WASL: variants seen among roughly 807,000 people sequenced by gnomAD.
WASL encodes actin nucleation-promoting factor WASL.
WASL carries 20 observed loss-of-function variants against 55.5 expected under a neutral mutation model. The observed-to-expected ratio is 0.36, with a 90% CI of 0.25 to 0.52. WASL has a LOEUF of 0.52. Ranked by LOEUF, WASL falls within the 20% of genes least tolerant of loss-of-function variation. WASL has a pLI of 0.92. For synonymous variants in WASL, 249 were observed against 217.6 expected (o/e 1.14, Z -1.27); for missense variants, 504 against 622.5 (o/e 0.81, Z 2.03).
intron 7 of WASL, 147 bp from the exon 8 acceptor site, chr7:123,695,015 A>T (rs577630784): frequency 4.8e-5 from 38 of 790,628 alleles, no homozygotes; most frequent in Non-Finnish European, 6.3e-5. Flanking sequence ...ATATTTTATT[A>T]AAAAAAACTG....
At chr7:123,727,448 T>C (rs1057175405) in intron 1 of WASL, among the ~76,000 whole-genome samples, 1 of 150,956 alleles carries the variant, frequency 6.6e-6, no homozygotes, top group Admixed American at 6.6e-5. Context: ...AAATATCCAT[T>C]AACAGAAGAA....
rs747187469 is a variant in WASL, at chr7:123,692,538, G to C, written c.1156C>G (p.Pro386Ala). The stretch of plus-strand genomic sequence containing the variant: ...TCAGAAGGCAGGCCAGGCGGGGGCG[G>C]TGGCCCAGGAGGAGGTGGAGGTGGA... ...PPPPPPPPGPPPPPGLPSDGD... is the reference protein window; with the variant it reads ...PPPPPPPPGPAPPPGLPSDGD... The change falls in exon 9 of 11, where the codon CCG becomes GCG. Residue 386 changes from proline to alanine, a missense_variant. By Grantham distance (27) the Pro-to-Ala change is conservative. This residue lies in a region of WASL where 201 missense variants were observed against 206.2 expected (regional missense o/e 0.97). Coordinates refer to ENST00000223023, the MANE Select transcript of WASL (RefSeq NM_003941.4). 1 of 1,614,064 alleles carries C rather than the reference G, an allele frequency of 6.2e-7. No individual in the cohort carries two copies. The highest frequency in any genetic ancestry group is 8.5e-7 in the Non-Finnish European group (1 of 1,179,996).
chr7:123,688,653 C>T (rs1244010687), intron 10 of WASL, among the ~76,000 whole-genome samples: 1 of 152,140 alleles, frequency 6.6e-6, no homozygotes. Flanking sequence ...TGAGTCACCG[C>T]ACCCAGCCCT....
chr7:123,696,000 T>C (rs1803486344), intron 6 of WASL, 135 bp from the exon 7 acceptor site: 1 of 715,104 alleles, frequency 1.4e-6, no homozygotes. Context: ...GACATAACCA[T>C]ATTGTGATAA....
chr7:123,736,878 A>C (rs893712522), intron 1 of WASL, among the ~76,000 whole-genome samples: 2 of 152,222 alleles, frequency 1.3e-5, no homozygotes, highest in African/African-American at 4.8e-5. Flanking sequence ...TTAGAAAAAA[A>C]CACTAAGCAC....
At position 123,747,001 on chromosome 7, in the gene WASL, G is replaced by A. The variant is rs554648378; in HGVS notation, c.117+1617C>T. On this transcript the variant is annotated intron_variant, in intron 1 of 10. Transcript: ENST00000223023. ...AAAGTGCTGAAGATTTTCCTAAACTGAGCATATGCAAACATTAGTGGTGCT... is the reference window on the plus strand; with the variant it reads ...AAAGTGCTGAAGATTTTCCTAAACTAAGCATATGCAAACATTAGTGGTGCT... Among the ~76,000 whole-genome samples the A allele has an allele frequency of 5.3e-5, 8 of 152,254 alleles. No individual in the cohort carries two copies. The East Asian group carries it at 1.3e-3, about 26-fold the overall frequency.
chr7:123,732,484 C>A (rs1038924942), intron 1 of WASL, among the ~76,000 whole-genome samples: 1 of 152,116 alleles, frequency 6.6e-6, no homozygotes, highest in Non-Finnish European at 1.5e-5. Context: ...TGGAAAGACA[C>A]GATCTATCAA....
At chr7:123,738,426 G>C (rs1804274634) in intron 1 of WASL, among the ~76,000 whole-genome samples, 1 of 152,148 alleles carries the variant, frequency 6.6e-6, no homozygotes, top group Non-Finnish European at 1.5e-5. Context: ...TCTTGAGCTT[G>C]ACACCTTCAC....
chr7:123,746,100 G>A (rs1804426207), intron 1 of WASL, among the ~76,000 whole-genome samples: 1 of 152,152 alleles, frequency 6.6e-6, no homozygotes, highest in South Asian at 2.1e-4. Flanking sequence ...CCCCCAGTTT[G>A]AACCCACATT....
At chr7:123,706,515 G>A in intron 3 of WASL, 142 bp from the exon 4 acceptor site, 2 of 886,790 alleles carry the variant, frequency 2.3e-6, no homozygotes, top group Non-Finnish European at 3.4e-6. Flanking sequence ...TTTATGATCT[G>A]AATAACTTAA....
intron 5 of WASL, among the ~76,000 whole-genome samples, chr7:123,703,850 C>T (rs1360105134): frequency 2.6e-5 from 4 of 152,134 alleles, no homozygotes; most frequent in Non-Finnish European, 5.9e-5. Context: ...TCTATCATAA[C>T]AAAGTGTGCT....
chr7:123,685,843 T>C (rs985918150), intron 10 of WASL, among the ~76,000 whole-genome samples: 2 of 147,334 alleles, frequency 1.4e-5, no homozygotes, highest in Non-Finnish European at 3.0e-5. Flanking sequence ...CCTATAAATA[T>C]ATAAATACAT....
intron 1 of WASL, among the ~76,000 whole-genome samples, chr7:123,737,596 C>CAAAAAAAAA (rs34669724): frequency 1.4e-5 from 1 of 72,816 alleles, no homozygotes; most frequent in Non-Finnish European, 2.6e-5. Context: ...CTCCGTCTCC[C>CAAAAAAAAA]AAAAAAAAAA....
intron 9 of WASL, among the ~76,000 whole-genome samples, chr7:123,689,818 A>G (rs1803369376): frequency 6.6e-6 from 1 of 151,990 alleles, no homozygotes; most frequent in Non-Finnish European, 1.5e-5. Flanking sequence ...GAAACAGCAT[A>G]GCTGTATTAA....
At chr7:123,734,319 T>C (rs911892013) in intron 1 of WASL, among the ~76,000 whole-genome samples, 2 of 151,996 alleles carry the variant, frequency 1.3e-5, no homozygotes, top group African/African-American at 4.8e-5. Flanking sequence ...ATAAAAAATC[T>C]GACAAAGGAC....
chr7:123,694,666 C>T (rs769390138), intron 8 of WASL, 49 bp downstream of exon 8: 1 of 1,599,686 alleles, frequency 6.3e-7, no homozygotes, highest in South Asian at 1.1e-5. Context: ...ATGAAACTGA[C>T]CTCAAAAGAT....
At chr7:123,724,285 G>A (rs1804006381) in intron 1 of WASL, among the ~76,000 whole-genome samples, 1 of 152,090 alleles carries the variant, frequency 6.6e-6, no homozygotes, top group African/African-American at 2.4e-5. Context: ...ATCAGAGATA[G>A]CAGCCAATTA....
chr7:123,701,581 A>C (rs550536919), intron 5 of WASL, among the ~76,000 whole-genome samples: 2 of 152,252 alleles, frequency 1.3e-5, no homozygotes. Flanking sequence ...TAAATTCTAC[A>C]TAAAGTATCT....
intron 1 of WASL, among the ~76,000 whole-genome samples, chr7:123,724,446 C>T (rs1256279744): frequency 2.0e-5 from 3 of 152,150 alleles, no homozygotes; most frequent in African/African-American, 7.2e-5. Flanking sequence ...AAATATTTCT[C>T]CCTTTCTGTA....
Sources: allele counts gnomAD v4.1 joint callset (sites outside exome capture counted in the v4.1 genomes callset), GRCh38; gene constraint gnomAD v4.1.1; regional missense constraint gnomAD v4.1.1; transcripts MANE v1.5; gene names NCBI Gene and HGNC (gene_info 2026-07-23, HGNC 2026-07-21).